Variants in NTAN1 observed in about 807,000 individuals in gnomAD.
NTAN1 encodes protein N-terminal asparagine amidohydrolase.
In NTAN1, 32 loss-of-function variants were observed where a neutral mutation model predicts 41.9. That is an observed-to-expected ratio of 0.76 (90% CI 0.58 to 1.03). The LOEUF (loss-of-function observed/expected upper bound fraction) is 1.03. Ranked by LOEUF, NTAN1 falls within the 50% of genes least tolerant of loss-of-function variation. The pLI is 0.00. For missense variants in NTAN1, 377 were observed against 377.5 expected, an observed-to-expected ratio of 1.00 and a Z score of 0.01; for synonymous variants, 140 against 139.5, an observed-to-expected ratio of 1.00 and a Z score of -0.03.
intron 3 of NTAN1, 54 bp downstream of exon 3, chr16:15,047,801 T>C: frequency 7.1e-7 from 1 of 1,401,138 alleles, no homozygotes; most frequent in South Asian, 1.2e-5. Context: ...AATTCAATGG[T>C]CCCAAAGGTT....
intron 9 of NTAN1, 141 bp from the exon 10 acceptor site, chr16:15,038,351 G>GA: frequency 1.5e-6 from 1 of 651,886 alleles, no homozygotes; most frequent in South Asian, 2.2e-5. Context: ...GAATTAGTAA[G>GA]AAAAAAGTTG....
chr16:15,046,275 C>G (rs2044057461), intron 4 of NTAN1, among the ~76,000 whole-genome samples: 1 of 152,234 alleles, frequency 6.6e-6, no homozygotes, highest in East Asian at 1.9e-4. Flanking sequence ...CCTTTTTAGA[C>G]TCCTAGGATT....
chr16:15,039,651 T>TCTC (rs947024970), intron 8 of NTAN1, among the ~76,000 whole-genome samples: 1 of 152,192 alleles, frequency 6.6e-6, no homozygotes, highest in African/African-American at 2.4e-5. Context: ...GCGTCCCAGT[T>TCTC]CTCCTCTCTT....
chr16:15,053,588 TA>T (rs1160423730), intron 1 of NTAN1, among the ~76,000 whole-genome samples: 1 of 152,304 alleles, frequency 6.6e-6, no homozygotes, highest in East Asian at 1.9e-4. Flanking sequence ...TTTGCTTTCC[TA>T]CAAAGAGGAC....
intron 3 of NTAN1, 42 bp from the exon 4 acceptor site, chr16:15,047,592 C>G (rs368295087): frequency 2.2e-6 from 3 of 1,387,920 alleles, no homozygotes; most frequent in Non-Finnish European, 3.1e-6. Context: ...TTCCCTGATG[C>G]GAGTGCAGTG....
Position 15,041,087 on chromosome 16 carries a change from A to T in NTAN1, c.522T>A (p.Phe174Leu), listed in dbSNP as rs1485638793. ...ACTTACCAATGCCATATATTACTGG[A>T]AAGTGGTTTTCGTTTTCTTCCCGGT... is the stretch of plus-strand genomic sequence containing the variant. ...LNDREENENH[F>L]PVIYGIAVNI... The change falls in exon 7 of 10, where the codon TTT (phenylalanine) becomes TTA (leucine). Residue 174 changes from phenylalanine to leucine, a missense_variant. Phe to Leu is a conservative substitution (Grantham distance 22, BLOSUM62 0). Coordinates refer to ENST00000287706, the MANE Select transcript of NTAN1 (RefSeq NM_173474.4). 1 of 1,602,432 alleles carries T rather than the reference A, an allele frequency of 6.2e-7. No homozygotes were observed. Among genetic ancestry groups the T allele is most frequent in the Admixed American group, 1.7e-5 (1 of 60,010 alleles).
chr16:15,052,354 C>G (rs114959980), intron 1 of NTAN1, among the ~76,000 whole-genome samples: 28 of 152,312 alleles, frequency 1.8e-4, no homozygotes, highest in African/African-American at 6.5e-4. Flanking sequence ...GGCCTATAGG[C>G]TATACATAAG....
intron 4 of NTAN1, 99 bp downstream of exon 4, chr16:15,047,343 T>A: frequency 1.3e-6 from 1 of 796,346 alleles, no homozygotes; most frequent in Non-Finnish European, 2.2e-6. Context: ...GACACGGCAG[T>A]GGTGGCATCC....
chr16:15,044,732 C>G (rs992375419), intron 4 of NTAN1: 4 of 321,022 alleles, frequency 1.2e-5, no homozygotes, highest in Non-Finnish European at 2.3e-5. Context: ...ATCTGTAATC[C>G]TAGCACTTTG....
At chr16:15,052,535 C>T (rs896106201) in intron 1 of NTAN1, among the ~76,000 whole-genome samples, 1 of 152,086 alleles carries the variant, frequency 6.6e-6, no homozygotes, top group Non-Finnish European at 1.5e-5. Context: ...AAGCACAATG[C>T]TATATAAGAA....
chr16:15,055,226 G>T (rs1310111139), intron 1 of NTAN1, among the ~76,000 whole-genome samples: 1 of 152,150 alleles, frequency 6.6e-6, no homozygotes, highest in Non-Finnish European at 1.5e-5. Flanking sequence ...AACAGTCCCT[G>T]CATAAGCGTG....
intron 4 of NTAN1, 96 bp downstream of exon 4, chr16:15,047,346 T>G: frequency 1.2e-6 from 1 of 808,568 alleles, no homozygotes; most frequent in Non-Finnish European, 2.2e-6. Context: ...ACGGCAGTGG[T>G]GGCATCCTGT....
chr16:15,051,519 G>C (rs1195105732), intron 1 of NTAN1, among the ~76,000 whole-genome samples: 2 of 151,002 alleles, frequency 1.3e-5, no homozygotes, highest in Non-Finnish European at 3.0e-5. Flanking sequence ...GCTAGTTTTT[G>C]TACTGTTTGT....
At chr16:15,052,140 T>C (rs528087076) in intron 1 of NTAN1, among the ~76,000 whole-genome samples, 2 of 152,330 alleles carry the variant, frequency 1.3e-5, no homozygotes, top group East Asian at 3.9e-4. Context: ...TTTGGGGTTC[T>C]ACAAGGCCGC....
At chr16:15,042,878 G>A (rs187637887) in intron 5 of NTAN1, among the ~76,000 whole-genome samples, 367 of 146,734 alleles carry the variant, frequency 2.5e-3, no homozygotes, top group Admixed American at 6.1e-3. Context: ...GATTACAGGC[G>A]TGCGCCACCA....
Position 15,038,690 on chromosome 16 carries a change from A to G in NTAN1, c.640-3T>C, listed in dbSNP as rs2043661978. On this transcript the variant is annotated splice_polypyrimidine_tract_variant and splice_region_variant and intron_variant, in intron 8 of 9. Transcript: ENST00000287706. ...TCTGCATCATAAATGCTAATCATCT[A>G]AAAAAGAACGTGTCAAGGATAGAAT... 4 of 1,485,706 alleles carry G rather than the reference A, an allele frequency of 2.7e-6. No individual in the cohort carries two copies. Among genetic ancestry groups the G allele is most frequent in the Non-Finnish European group, 3.7e-6 (4 of 1,070,296 alleles). 92.0% of individuals were successfully genotyped at this position (1,485,706 alleles called of 1,614,324 possible).
rs765890570 is a variant in NTAN1, at chr16:15,038,559, C to A, written c.753+15G>T. 12 of 1,370,282 alleles carry A rather than the reference C, an allele frequency of 8.8e-6. No homozygotes were observed. The highest frequency in any genetic ancestry group is 3.5e-5 in the Admixed American group (2 of 57,954). 84.9% of individuals were successfully genotyped at this position (1,370,282 alleles called of 1,614,324 possible). On this transcript the variant is annotated intron_variant, in intron 9 of 9. Transcript: ENST00000287706. ...GTGCAGAGATTTAAGACTTACCCAG[C>A]CTGTAAACTCTCACCTCTAGTATTT...
At chr16:15,055,229 T>C (rs76702213) in intron 1 of NTAN1, among the ~76,000 whole-genome samples, 11,784 of 152,190 alleles carry the variant, frequency 0.077, 648 homozygotes, top group Non-Finnish European at 0.11. Flanking sequence ...AGTCCCTGCA[T>C]AAGCGTGGAC....
intron 7 of NTAN1, chr16:15,040,270 C>G (rs1299731209): frequency 2.3e-6 from 1 of 435,272 alleles, no homozygotes; most frequent in African/African-American, 2.0e-5. Flanking sequence ...GAGGCTCGAG[C>G]TGGACTCGGT....
Sources: gnomAD v4.1 joint callset for allele counts (sites outside exome capture counted in the v4.1 genomes callset) on GRCh38, gnomAD v4.1.1 for gene constraint, MANE v1.5 for transcripts, NCBI Gene and HGNC (gene_info 2026-07-23, HGNC 2026-07-21) for gene names.